ARHGAP39: variants seen among roughly 807,000 people sequenced by gnomAD.
ARHGAP39 encodes the protein rho GTPase-activating protein 39.
In ARHGAP39, 44 loss-of-function variants were observed where a neutral mutation model predicts 106.9. That is an observed-to-expected ratio of 0.41 (90% CI 0.32 to 0.53). The LOEUF (loss-of-function observed/expected upper bound fraction) is 0.53, where lower values mean the gene tolerates loss of function less well. Ranked by LOEUF, ARHGAP39 falls within the 20% of genes least tolerant of loss-of-function variation. ARHGAP39 has a pLI of 0.21. For missense variants in ARHGAP39, 1,496 were observed against 1,577.3 expected (o/e 0.95, Z 0.87); for synonymous variants, 768 against 693.2 (o/e 1.11, Z -1.69).
At chr8:144,651,152 A>G (rs1338772465) in intron 1 of ARHGAP39, among the ~76,000 whole-genome samples, 2 of 152,164 alleles carry the variant, frequency 1.3e-5, no homozygotes, top group Admixed American at 1.3e-4. Flanking sequence ...AATCCCATTC[A>G]CAAATGCCAC....
intron 1 of ARHGAP39, among the ~76,000 whole-genome samples, chr8:144,675,046 C>T (rs1822197096): frequency 6.6e-6 from 1 of 152,056 alleles, no homozygotes; most frequent in Admixed American, 6.6e-5. Context: ...CAGCTGTGCC[C>T]AGGAGGGCCA....
rs1817895159 is a variant in ARHGAP39, at chr8:144,555,794, C to G, written c.513-151G>C. The G allele has an allele frequency of 2.9e-6, 2 of 693,966 alleles. 1 individual carries two copies. Among genetic ancestry groups the G allele is most frequent in the South Asian group, 3.4e-5 (2 of 59,130 alleles). 43.0% of individuals were successfully genotyped at this position (693,966 alleles called of 1,614,324 possible). ...CCAGGCTGTATTCTTCATCTTCTGC[C>G]CTGAGTCCACCTTCTTCCAGCAGGT... On this transcript the variant is annotated intron_variant, in intron 3 of 11. Transcript: ENST00000377307.
chr8:144,642,009 T>C (rs1256478499), intron 1 of ARHGAP39, among the ~76,000 whole-genome samples: 3 of 152,210 alleles, frequency 2.0e-5, no homozygotes, highest in Non-Finnish European at 4.4e-5. Flanking sequence ...TGTATGTTGC[T>C]TTAAGAGGTT....
At position 144,538,783 on chromosome 8, in the gene ARHGAP39, CTGGTCT is replaced by C. The variant is rs757904094; in HGVS notation, c.2522-976_2522-971del. ...ATGGGGTTTCACCATGTTGGCCAGG[CTGGTCT>C]TGAACTCTTGACCTCAAATGATCCA... On this transcript the variant is annotated intron_variant, in intron 6 of 11. Transcript: ENST00000377307. Among the ~76,000 whole-genome samples, 25 of 152,236 alleles carry C rather than the reference CTGGTCT, an allele frequency of 1.6e-4. 1 individual carries two copies. The highest frequency in any genetic ancestry group is 3.4e-3 in the Middle Eastern group (1 of 294).
In ARHGAP39 at chr8:144,530,590, C is replaced by G; in HGVS notation, c.3177G>C (p.Ala1059=). Residue 1059 remains alanine (A), a synonymous_variant, in exon 12 of 12, where the codon GCG becomes GCC. Transcript: ENST00000377307. ...GGTTGCTGACATCCATCTTGGTGAC[C>G]GCGACGTTGGCCGGCTGCACGAAGA... ...LQVFVQPANV[A]VTKMDVSNLA... is the part of the protein sequence containing the mutation. 1.9e-6 allele frequency: 3 copies of G among 1,602,966 alleles called. No individual in the cohort carries two copies. Among genetic ancestry groups the G allele is most frequent in the Non-Finnish European group, 2.6e-6 (3 of 1,175,326 alleles).
rs1397196201 is a variant in ARHGAP39, at chr8:144,586,679, G to C, written c.81-5402C>G. On this transcript the variant is annotated intron_variant, in intron 2 of 11. Transcript: ENST00000377307. The surrounding 1 kb of genome is among the most constrained non-coding windows in gnomAD (Gnocchi z 4.2). ...GTACCACACCCACTTCCAGGCACCG[G>C]GTCCCATGCTGACACAGGGCTCAGA... 6.6e-6 allele frequency among the ~76,000 whole-genome samples: 1 copy of C among 152,216 alleles called. No individual in the cohort carries two copies. The highest frequency in any genetic ancestry group is 1.5e-5 in the Non-Finnish European group (1 of 68,038).
Position 144,547,517 on chromosome 8 carries a change from G to T in ARHGAP39, c.1569C>A (p.Ala523=), listed in dbSNP as rs770006544. The change falls in exon 5 of 12, where the codon GCC becomes GCA. Residue 523 remains alanine, a synonymous_variant. Coordinates refer to ENST00000377307, the MANE Select transcript of ARHGAP39 (RefSeq NM_025251.3). This position sits in a 1 kb window ranked among gnomAD's most constrained non-coding sequence, Gnocchi z 5.2. ...PGDLLVEQPL[A]EEQPPCGTSL... The stretch of plus-strand genomic sequence containing the variant: ...TGGTCCCGCACGGGGGCTGTTCCTC[G>T]GCCAGGGGCTGCTCCACAAGCAGGT... 22 of 1,487,570 alleles carry T rather than the reference G, an allele frequency of 1.5e-5. No homozygotes were observed. Among genetic ancestry groups the T allele is most frequent in the Non-Finnish European group, 1.7e-5 (19 of 1,122,684 alleles). 92.1% of individuals were successfully genotyped at this position (1,487,570 alleles called of 1,614,324 possible). A position where few individuals can be genotyped will look rare whatever the true frequency, so the allele number is the denominator to read the frequency against.
intron 2 of ARHGAP39, among the ~76,000 whole-genome samples, chr8:144,597,662 C>T (rs547551575): frequency 6.6e-6 from 1 of 152,128 alleles, no homozygotes; most frequent in East Asian, 1.9e-4. Flanking sequence ...ATGAAAAAGT[C>T]TGATCAAATG....
rs149141213 is a variant in ARHGAP39, at chr8:144,567,181, T to C, written c.513-11538A>G. Among the ~76,000 whole-genome samples, 92 of 152,342 alleles carry C rather than the reference T, an allele frequency of 6.0e-4. 1 individual carries two copies. Among genetic ancestry groups the C allele is most frequent in the African/African-American group, 2.1e-3 (89 of 41,598 alleles). ...TATAGATCTTAGATATGATTATATA[T>C]GAATATCATTGATCAATAGTTTGTA... On this transcript the variant is annotated intron_variant, in intron 3 of 11. Transcript: ENST00000377307.
At chr8:144,559,947 G>A (rs148402632) in intron 3 of ARHGAP39, among the ~76,000 whole-genome samples, 32 of 152,286 alleles carry the variant, frequency 2.1e-4, no homozygotes, top group Admixed American at 1.6e-3. Flanking sequence ...GTGGCATCAC[G>A]TTGACACTCA....
intron 3 of ARHGAP39, among the ~76,000 whole-genome samples, chr8:144,570,428 G>T (rs1322324341): frequency 6.6e-6 from 1 of 152,134 alleles, no homozygotes; most frequent in African/African-American, 2.4e-5. Flanking sequence ...ATGGAAAAAG[G>T]AGGCAAATTC....
intron 3 of ARHGAP39, among the ~76,000 whole-genome samples, chr8:144,575,143 T>C (rs1454972667): frequency 1.3e-5 from 2 of 152,190 alleles, no homozygotes; most frequent in African/African-American, 2.4e-5. Flanking sequence ...ATGGCACACC[T>C]GTACTGGGCA....
chr8:144,649,222 T>TCACC (rs1821517400), intron 1 of ARHGAP39, among the ~76,000 whole-genome samples: 2 of 151,736 alleles, frequency 1.3e-5, no homozygotes, highest in South Asian at 4.2e-4. Flanking sequence ...GGTGGGCAGA[T>TCACC]CACCGGTCAG....
chr8:144,668,309 C>T (rs531857435), intron 1 of ARHGAP39, among the ~76,000 whole-genome samples: 21 of 152,230 alleles, frequency 1.4e-4, no homozygotes, highest in African/African-American at 5.1e-4. Context: ...AGCACAGTGG[C>T]ATGCACCTGT....
chr8:144,651,540 CA>C (rs1356887133), intron 1 of ARHGAP39, among the ~76,000 whole-genome samples: 1 of 151,826 alleles, frequency 6.6e-6, no homozygotes, highest in African/African-American at 2.4e-5. Context: ...CCATCTCTAC[CA>C]AAAACTCAAA....
At position 144,645,363 on chromosome 8, in the gene ARHGAP39, T is replaced by G. The variant is rs1821415783; in HGVS notation, c.-81-39668A>C. Among the ~76,000 whole-genome samples, 1 of 152,230 alleles carries G rather than the reference T, an allele frequency of 6.6e-6. No homozygotes were observed. The highest frequency in any genetic ancestry group is 1.5e-5 in the Non-Finnish European group (1 of 68,032). On this transcript the variant is annotated intron_variant, in intron 1 of 11. Transcript: ENST00000377307. The surrounding 1 kb of genome is among the most constrained non-coding windows in gnomAD (Gnocchi z 4.4). ...CAGCCCTGGGACACCACGCTCTCAA[T>G]GATGGGCTCCATGAGGGCAGGGCCT...
At chr8:144,571,544 G>A (rs1249471373) in intron 3 of ARHGAP39, among the ~76,000 whole-genome samples, 1 of 152,140 alleles carries the variant, frequency 6.6e-6, no homozygotes, top group African/African-American at 2.4e-5. Context: ...TACTGAATGG[G>A]CAAAAACTGG....
chr8:144,605,421 A>T, intron 2 of ARHGAP39, 114 bp downstream of exon 2: 1 of 1,148,322 alleles, frequency 8.7e-7, no homozygotes, highest in African/African-American at 1.5e-5. Flanking sequence ...ACAGCCAGCG[A>T]CGAATCCATT....
At chr8:144,675,423 T>A (rs1238218642) in intron 1 of ARHGAP39, among the ~76,000 whole-genome samples, 1 of 152,188 alleles carries the variant, frequency 6.6e-6, no homozygotes, top group Non-Finnish European at 1.5e-5. Context: ...CTCTTAAAGA[T>A]GGTGTGTCCG....
Sources: gnomAD v4.1 joint callset for allele counts (sites outside exome capture counted in the v4.1 genomes callset) on GRCh38, gnomAD v4.1.1 for gene constraint, Gnocchi (gnomAD v3.1) non-coding constraint, MANE v1.5 for transcripts, NCBI Gene and HGNC (gene_info 2026-07-23, HGNC 2026-07-21) for gene names.